KIT: variants seen among roughly 807,000 people sequenced by gnomAD.
KIT encodes the protein KIT proto-oncogene, receptor tyrosine kinase.
In KIT, 16 loss-of-function variants were observed where a neutral mutation model predicts 105.7. The observed-to-expected ratio is 0.15, with a 90% CI of 0.10 to 0.23. The LOEUF (loss-of-function observed/expected upper bound fraction) is 0.23, where lower values mean the gene tolerates loss of function less well. Ranked by LOEUF, KIT falls within the 10% of genes least tolerant of loss-of-function variation. The probability of loss-of-function intolerance (pLI) is 1.00; values close to 1 mark genes in which losing one functional copy is unlikely to be tolerated. For missense variants in KIT, 858 were observed against 1,213.8 expected, an observed-to-expected ratio of 0.71 and a Z score of 4.36; for synonymous variants, 438 against 441.1, an observed-to-expected ratio of 0.99 and a Z score of 0.09.
chr4:54,714,523 G>T (rs1222441298), intron 7 of KIT, among the ~76,000 whole-genome samples: 1 of 152,050 alleles, frequency 6.6e-6, no homozygotes, highest in Non-Finnish European at 1.5e-5. Flanking sequence ...TAAATATTTT[G>T]TAGGTTTATT....
chr4:54,731,243 G>T, intron 14 of KIT, 85 bp from the exon 15 acceptor site: 1 of 891,616 alleles, frequency 1.1e-6, no homozygotes, highest in Non-Finnish European at 1.9e-6. Flanking sequence ...ATGTAGCAAA[G>T]GGGATGAGGA....
At chr4:54,661,015 T>C in intron 1 of KIT, among the ~76,000 whole-genome samples, 1 of 152,210 alleles carries the variant, frequency 6.6e-6, no homozygotes, top group African/African-American at 2.4e-5. Context: ...GAGGAAGGGC[T>C]GTAGGCATTT....
chr4:54,664,627 G>GAGAC (rs1717549649), intron 1 of KIT, among the ~76,000 whole-genome samples: 1 of 140,960 alleles, frequency 7.1e-6, no homozygotes, highest in Admixed American at 7.0e-5. Flanking sequence ...ATTTATTTAT[G>GAGAC]AGACAGGGTC....
At chr4:54,682,175 A>C (rs1404201821) in intron 1 of KIT, among the ~76,000 whole-genome samples, 2 of 145,706 alleles carry the variant, frequency 1.4e-5, no homozygotes, top group Non-Finnish European at 3.0e-5. Flanking sequence ...CTGCAGCCTC[A>C]ACTTCCTGGG....
At chr4:54,666,309 C>T (rs1717687307) in intron 1 of KIT, among the ~76,000 whole-genome samples, 1 of 152,046 alleles carries the variant, frequency 6.6e-6, no homozygotes, top group South Asian at 2.1e-4. Flanking sequence ...GAGACAGAGT[C>T]TCACTCTGTC....
chr4:54,736,495 C>A lies in KIT; in HGVS notation c.2485-3C>A. ...TATTGACTCTGTTGTGCTTCTATTA[C>A]AGGCTCGACTACCTGTGAAGTGGAT... On this transcript the variant is annotated splice_polypyrimidine_tract_variant and splice_region_variant and intron_variant, in intron 17 of 20. Coordinates refer to ENST00000288135, the MANE Select transcript of KIT (RefSeq NM_000222.3). 1 of 1,603,378 alleles carries A rather than the reference C, an allele frequency of 6.2e-7. No individual in the cohort carries two copies. The highest frequency in any genetic ancestry group is 1.1e-5 in the South Asian group (1 of 90,858).
rs1723175093 is a variant in KIT, at chr4:54,740,354, G to T, written c.*1797G>T. On this transcript the variant is annotated 3_prime_UTR_variant, in exon 21 of 21. Transcript: ENST00000288135. ...TTCAATGATAGTAAGAAAAGTGGTT[G>T]TTAGTTATAGATGTCTAGGTACTTC... 4.3e-6 allele frequency: 1 copy of T among 233,540 alleles called. No homozygotes were observed. Among genetic ancestry groups the T allele is most frequent in the East Asian group, 6.0e-5 (1 of 16,530 alleles). The allele number at this position is 233,540 out of a possible 1,614,324, so 14.5% of individuals were successfully genotyped here.
At chr4:54,700,450 T>A (rs1278241984) in intron 4 of KIT, among the ~76,000 whole-genome samples, 1 of 152,238 alleles carries the variant, frequency 6.6e-6, no homozygotes, top group Non-Finnish European at 1.5e-5. Flanking sequence ...ATATCTTAAA[T>A]AAATTTTAGC....
At chr4:54,699,989 T>C (rs1720353202) in intron 4 of KIT, among the ~76,000 whole-genome samples, 3 of 152,212 alleles carry the variant, frequency 2.0e-5, no homozygotes, top group Admixed American at 6.5e-5. Context: ...TACATTTATT[T>C]TGAGAAACTT....
At chr4:54,707,571 C>G (rs1720871296) in intron 6 of KIT, among the ~76,000 whole-genome samples, 1 of 152,140 alleles carries the variant, frequency 6.6e-6, no homozygotes, top group Admixed American at 6.5e-5. Context: ...AAAGCAGTAA[C>G]TTTCATGTAC....
chr4:54,668,296 C>T (rs756016312), intron 1 of KIT, among the ~76,000 whole-genome samples: 3 of 152,124 alleles, frequency 2.0e-5, no homozygotes, highest in African/African-American at 4.8e-5. Context: ...TCTGATAGCA[C>T]TTGCCAGTAG....
In KIT at chr4:54,738,458, C is replaced by G. The variant is rs2109818428; in HGVS notation, c.2832C>G (p.Pro944=). Residue 944 remains proline, a synonymous_variant, in exon 21 of 21, where the codon CCC becomes CCG. Coordinates refer to ENST00000288135, the MANE Select transcript of KIT (RefSeq NM_000222.3). ...HIYSNLANCS[P]NRQKPVVDHS... Reference sequence around the variant, plus strand: ...ACTCCAACTTAGCAAACTGCAGCCCCAACCGACAGAAGCCCGTGGTAGACC... The same window carrying G: ...ACTCCAACTTAGCAAACTGCAGCCCGAACCGACAGAAGCCCGTGGTAGACC... 1 of 1,614,092 alleles carries G rather than the reference C, an allele frequency of 6.2e-7. No individual in the cohort carries two copies. Among genetic ancestry groups the G allele is most frequent in the Non-Finnish European group, 8.5e-7 (1 of 1,179,998 alleles).
chr4:54,666,279 T>G (rs535506141), intron 1 of KIT, among the ~76,000 whole-genome samples: 2 of 152,208 alleles, frequency 1.3e-5, no homozygotes, highest in East Asian at 1.9e-4. Flanking sequence ...TTTTTTGTTT[T>G]TTTTGTTTTG....
At chr4:54,701,787 G>T (rs535059828) in intron 4 of KIT, among the ~76,000 whole-genome samples, 31 of 152,318 alleles carry the variant, frequency 2.0e-4, no homozygotes, top group African/African-American at 7.2e-4. Flanking sequence ...TGCCTTTGTG[G>T]AGAAGTCTGT....
chr4:54,736,954 CAA>C (rs1211130494), intron 19 of KIT, 134 bp downstream of exon 19: 1 of 755,600 alleles, frequency 1.3e-6, no homozygotes, highest in Non-Finnish European at 2.3e-6. Context: ...ACACACTGGT[CAA>C]ATGTCATTTC....
At chr4:54,658,687 GC>G (rs1438671319) in intron 1 of KIT, among the ~76,000 whole-genome samples, 1 of 152,176 alleles carries the variant, frequency 6.6e-6, no homozygotes, top group Non-Finnish European at 1.5e-5. Context: ...ATCGAAGGCT[GC>G]GGCGTTTCCC....
intron 1 of KIT, among the ~76,000 whole-genome samples, chr4:54,661,729 A>G (rs1198508269): frequency 1.3e-5 from 2 of 152,240 alleles, no homozygotes; most frequent in South Asian, 2.1e-4. Context: ...TGCCACAGCT[A>G]TAAGTCCGGA....
intron 7 of KIT, among the ~76,000 whole-genome samples, chr4:54,721,148 G>A (rs1017616617): frequency 2.0e-5 from 3 of 152,142 alleles, no homozygotes; most frequent in African/African-American, 4.8e-5. Flanking sequence ...TTCTGCCCTC[G>A]AGAACATCGA....
At chr4:54,662,991 G>T (rs1717398193) in intron 1 of KIT, among the ~76,000 whole-genome samples, 1 of 146,346 alleles carries the variant, frequency 6.8e-6, no homozygotes, top group South Asian at 2.1e-4. Flanking sequence ...TTTCTCCAGG[G>T]GGGAAAAAAA....
Sources: allele counts gnomAD v4.1 joint callset (sites outside exome capture counted in the v4.1 genomes callset), GRCh38; gene constraint gnomAD v4.1.1; transcripts MANE v1.5; gene names NCBI Gene and HGNC (gene_info 2026-07-23, HGNC 2026-07-21).